ATP2A1: variants seen among roughly 807,000 people sequenced by gnomAD.
The protein encoded by ATP2A1 is sarcoplasmic/endoplasmic reticulum calcium ATPase 1.
Under a neutral mutation model 109.5 loss-of-function variants are expected in ATP2A1, and 83 were observed. That is an observed-to-expected ratio of 0.76 (90% CI 0.63 to 0.91). The LOEUF is 0.91. Among genes scored for constraint, ATP2A1 ranks in the 40% least tolerant of loss-of-function variants. The pLI, the probability that ATP2A1 is intolerant of heterozygous loss-of-function variation, is 0.00. For synonymous variants in ATP2A1, 505 were observed against 537.6 expected (o/e 0.94, Z 0.84); for missense variants, 1,101 against 1,341.0 (o/e 0.82, Z 2.80).
chr16:28,883,168 G>A lies in ATP2A1; in HGVS notation c.463+579G>A, dbSNP rs1216638664. Among the ~76,000 whole-genome samples the A allele has an allele frequency of 1.3e-5, 2 of 152,232 alleles. No individual in the cohort carries two copies. The highest frequency in any genetic ancestry group is 2.9e-5 in the Non-Finnish European group (2 of 68,036). The stretch of plus-strand genomic sequence containing the variant: ...GGCCAGGGAGGGGTGGGGGCCGGGT[G>A]GCTAAGATTACTGGGATTCTGCCCC... On this transcript the variant is annotated intron_variant, in intron 5 of 22. Transcript: ENST00000395503. This position sits in a 1 kb window ranked among gnomAD's most constrained non-coding sequence, Gnocchi z 5.2.
chr16:28,890,300 A>G (rs1395772203), intron 9 of ATP2A1, among the ~76,000 whole-genome samples: 1 of 150,646 alleles, frequency 6.6e-6, no homozygotes, highest in East Asian at 1.9e-4. Context: ...ACCAAAAAAA[A>G]AAAAAAAAAA....
In ATP2A1 at chr16:28,902,814, T is replaced by C; in HGVS notation, c.2647T>C (p.Phe883Leu). 3 of 1,613,832 alleles carry C rather than the reference T, an allele frequency of 1.9e-6. No homozygotes were observed. The highest frequency in any genetic ancestry group is 2.5e-6 in the Non-Finnish European group (3 of 1,179,900). Reference protein sequence around the residue: ...FMQCTEDNTHFEGIDCEVFEA... With the variant: ...FMQCTEDNTHLEGIDCEVFEA... Reference sequence around the variant, plus strand: ...GCAGTGCACCGAGGACAACACCCACTTTGAGGGCATAGACTGTGAGGTCTT... The same window carrying C: ...GCAGTGCACCGAGGACAACACCCACCTTGAGGGCATAGACTGTGAGGTCTT... Residue 883 changes from phenylalanine (F) to leucine (L), a missense_variant, in exon 19 of 23, where the codon TTT (phenylalanine) becomes CTT (leucine). Transcript: ENST00000395503. This position sits in a 1 kb window ranked among gnomAD's most constrained non-coding sequence, Gnocchi z 4.8.
intron 5 of ATP2A1, among the ~76,000 whole-genome samples, 169 bp downstream of exon 5, chr16:28,882,758 C>G (rs1032368166): frequency 1.3e-5 from 2 of 152,106 alleles, no homozygotes; most frequent in African/African-American, 2.4e-5. Context: ...ACATCCCCCC[C>G]TCCCCAGCGG....
chr16:28,903,262 A>G lies in ATP2A1; in HGVS notation c.2863-61A>G. 1.3e-6 allele frequency: 2 copies of G among 1,565,572 alleles called. No homozygotes were observed. The highest frequency in any genetic ancestry group is 1.7e-4 in the Middle Eastern group (1 of 5,956). ...GGAGGCTGGTGGGAGTGGGCTGGGC[A>G]GTGCTGGTCTCTGGCTCCCTCCCCA... is the stretch of plus-strand genomic sequence containing the variant. On this transcript the variant is annotated intron_variant, in intron 20 of 22. Transcript: ENST00000395503. This position sits in a 1 kb window ranked among gnomAD's most constrained non-coding sequence, Gnocchi z 5.6.
chr16:28,895,061 C>T, intron 12 of ATP2A1, 108 bp downstream of exon 12: 1 of 1,515,554 alleles, frequency 6.6e-7, no homozygotes, highest in African/African-American at 1.4e-5. Context: ...TGCTGGGACC[C>T]CACCCAGGCA....
Position 28,902,735 on chromosome 16 carries a change from T to C in ATP2A1, c.2611-43T>C, listed in dbSNP as rs1289799574. The C allele has an allele frequency of 1.2e-6, 2 of 1,613,782 alleles. No individual in the cohort carries two copies. The highest frequency in any genetic ancestry group is 8.5e-7 in the Non-Finnish European group (1 of 1,179,916). On this transcript the variant is annotated intron_variant, in intron 18 of 22. Transcript: ENST00000395503. The surrounding 1 kb of genome is among the most constrained non-coding windows in gnomAD (Gnocchi z 4.8). The stretch of plus-strand genomic sequence containing the variant: ...GCAGGAGGGTACCAGGAGGGTGGCA[T>C]GGAGGTGGCCCTGGACCTCAGTCTC...
At chr16:28,884,710 CA>C in intron 6 of ATP2A1, 55 bp downstream of exon 6, 1 of 1,497,552 alleles carries the variant, frequency 6.7e-7, no homozygotes, top group Non-Finnish European at 9.2e-7. Flanking sequence ...GAGGAAGAGG[CA>C]ACAAGGGGGA....
At position 28,903,425 on chromosome 16, in the gene ATP2A1, C is replaced by T. The variant is rs1250702436; in HGVS notation, c.2965C>T (p.Arg989Trp). 6.2e-7 allele frequency: 1 copy of T among 1,613,612 alleles called. No homozygotes were observed. The highest frequency in any genetic ancestry group is 2.2e-5 in the East Asian group (1 of 44,846). Residue 989 changes from arginine (R) to tryptophan (W), a missense_variant, in exon 21 of 23, where the codon CGG (arginine) becomes TGG (tryptophan). Physicochemically the swap from Arg to Trp is moderately radical, Grantham distance 101. Transcript: ENST00000395503. This position sits in a 1 kb window ranked among gnomAD's most constrained non-coding sequence, Gnocchi z 5.6. ...CGACGAAATCCTCAAGTTCGTTGCTCGGAACTACCTAGAGGGTAAGGAGTG... is the reference window on the plus strand; with the variant it reads ...CGACGAAATCCTCAAGTTCGTTGCTTGGAACTACCTAGAGGGTAAGGAGTG... ...GLDEILKFVA[R>W]NYLEG
Position 28,888,773 on chromosome 16 carries a change from C to A in ATP2A1, c.929-14C>A. 1.2e-6 allele frequency: 2 copies of A among 1,609,590 alleles called. No individual in the cohort carries two copies. Among genetic ancestry groups the A allele is most frequent in the Non-Finnish European group, 1.7e-6 (2 of 1,177,122 alleles). ...CCTTGCAGGTTCCCTCACACCCTCC[C>A]TCCCTCCCCACAGGTCTTCCTGCAG... is the stretch of plus-strand genomic sequence containing the variant. On this transcript the variant is annotated splice_polypyrimidine_tract_variant and intron_variant, in intron 8 of 22. Transcript: ENST00000395503.
chr16:28,898,303 G>A lies in ATP2A1; in HGVS notation c.1616G>A (p.Gly539Glu), dbSNP rs755092364. ...GGCACCACCCGGGTGCCACTGACGG[G>A]GCCGGTGAAGGAAAAGATCATGGCG... ...RVGTTRVPLT[G>E]PVKEKIMAVI... The change falls in exon 14 of 23, where the codon GGG becomes GAG. Residue 539 changes from glycine to glutamate, a missense_variant. Coordinates refer to ENST00000395503, the MANE Select transcript of ATP2A1 (RefSeq NM_004320.6). The surrounding 1 kb of genome is among the most constrained non-coding windows in gnomAD (Gnocchi z 4.0). 8.1e-6 allele frequency: 13 copies of A among 1,614,210 alleles called. No individual in the cohort carries two copies. The highest frequency in any genetic ancestry group is 1.1e-5 in the Non-Finnish European group (13 of 1,180,030).
intron 9 of ATP2A1, among the ~76,000 whole-genome samples, chr16:28,889,687 A>C (rs1190399997): frequency 6.6e-6 from 1 of 152,190 alleles, no homozygotes. Flanking sequence ...TCTGCCTGTG[A>C]AGTAGATGGC....
Position 28,887,574 on chromosome 16 carries a change from C to G in ATP2A1, c.780C>G (p.Leu260=). 1 of 1,614,084 alleles carries G rather than the reference C, an allele frequency of 6.2e-7. No homozygotes were observed. The highest frequency in any genetic ancestry group is 8.5e-7 in the Non-Finnish European group (1 of 1,180,012). Residue 260 remains leucine, a synonymous_variant, in exon 8 of 23, where the codon CTC becomes CTG. Coordinates refer to ENST00000395503, the MANE Select transcript of ATP2A1 (RefSeq NM_004320.6). ...AGCTGGATGAGTTTGGGGAGCAGCTCTCCAAGGTCATCTCCCTCATCTGTG... is the reference window on the plus strand; with the variant it reads ...AGCTGGATGAGTTTGGGGAGCAGCTGTCCAAGGTCATCTCCCTCATCTGTG... The part of the protein sequence containing the change: ...QQKLDEFGEQ[L]SKVISLICVA...
rs1253965056 is a variant in ATP2A1 at position 28,883,297 on chromosome 16, C to T, written c.463+708C>T. Among the ~76,000 whole-genome samples, 1 of 152,204 alleles carries T rather than the reference C, an allele frequency of 6.6e-6. No individual in the cohort carries two copies. The highest frequency in any genetic ancestry group is 1.5e-5 in the Non-Finnish European group (1 of 68,032). ...GGCCTCCTTCCCTGTAGCAGACATC[C>T]GAATCACCACCCCAGGGAGCTTGGG... On this transcript the variant is annotated intron_variant, in intron 5 of 22. Transcript: ENST00000395503. The surrounding 1 kb of genome is among the most constrained non-coding windows in gnomAD (Gnocchi z 5.2).
At chr16:28,891,424 G>C (rs1415935568) in intron 9 of ATP2A1, among the ~76,000 whole-genome samples, 2 of 151,120 alleles carry the variant, frequency 1.3e-5, no homozygotes, top group Admixed American at 6.6e-5. Context: ...GAGAAACCCT[G>C]TCTCTACTAA....
intron 4 of ATP2A1, among the ~76,000 whole-genome samples, chr16:28,881,801 C>CA (rs200479576): frequency 0.33 from 42,180 of 128,988 alleles, 7,270 homozygotes; most frequent in Non-Finnish European, 0.41. Flanking sequence ...GACCCAGTCT[C>CA]AAAAAAAAAA....
chr16:28,879,265 G>C, intron 2 of ATP2A1, 149 bp downstream of exon 2: 1 of 1,082,494 alleles, frequency 9.2e-7, no homozygotes, highest in Non-Finnish European at 1.4e-6. Flanking sequence ...AGTCCTGTCC[G>C]GGGCAGAAGT....
Position 28,902,694 on chromosome 16 carries a change from A to G in ATP2A1, c.2610+29A>G, listed in dbSNP as rs762846912. The stretch of plus-strand genomic sequence containing the variant: ...GGGGGAGGCCACAAAGGAGGGGACC[A>G]GGAGGGTGTGGGGATGCAGGAGGGT... On this transcript the variant is annotated intron_variant, in intron 18 of 22. Coordinates refer to ENST00000395503, the MANE Select transcript of ATP2A1 (RefSeq NM_004320.6). The surrounding 1 kb of genome is among the most constrained non-coding windows in gnomAD (Gnocchi z 4.8). The G allele has an allele frequency of 6.2e-7, 1 of 1,613,880 alleles. No homozygotes were observed. The highest frequency in any genetic ancestry group is 8.5e-7 in the Non-Finnish European group (1 of 1,179,892).
At position 28,880,215 on chromosome 16, in the gene ATP2A1, TG is replaced by T. The variant is rs1963421824; in HGVS notation, c.219+637del. Reference sequence around the variant, plus strand: ...CAGGGCTCTGCCTCCTCTCCCGCCCTGGGGGCTACTCCCCATCCCGCGGTCC... The same window carrying T: ...CAGGGCTCTGCCTCCTCTCCCGCCCTGGGGCTACTCCCCATCCCGCGGTCC... On this transcript the variant is annotated intron_variant, in intron 3 of 22. Coordinates refer to ENST00000395503, the MANE Select transcript of ATP2A1 (RefSeq NM_004320.6). This position sits in a 1 kb window ranked among gnomAD's most constrained non-coding sequence, Gnocchi z 4.2. The T allele has an allele frequency of 1.3e-6, 1 of 795,074 alleles. No individual in the cohort carries two copies. 49.3% of individuals were successfully genotyped at this position (795,074 alleles called of 1,614,324 possible).
intron 12 of ATP2A1, among the ~76,000 whole-genome samples, chr16:28,896,548 G>A (rs1306473124): frequency 1.3e-5 from 2 of 152,050 alleles, no homozygotes; most frequent in Admixed American, 1.3e-4. Flanking sequence ...GAATAGCTGA[G>A]ATTACAGGCA....
Sources: gnomAD v4.1 joint callset for allele counts (sites outside exome capture counted in the v4.1 genomes callset) on GRCh38, gnomAD v4.1.1 for gene constraint, Gnocchi (gnomAD v3.1) non-coding constraint, MANE v1.5 for transcripts, NCBI Gene and HGNC (gene_info 2026-07-23, HGNC 2026-07-21) for gene names.